The following RABGAP1L variants were observed in gnomAD, a reference collection of about 807,000 sequenced individuals.
RABGAP1L encodes the protein rab GTPase-activating protein 1-like.
RABGAP1L carries 63 observed loss-of-function variants against 137.7 expected under a neutral mutation model. The ratio of observed to expected loss-of-function variants is 0.46; its 90% CI spans 0.37 to 0.56. The LOEUF (loss-of-function observed/expected upper bound fraction) is 0.56, where lower values mean the gene tolerates loss of function less well. Among genes scored for constraint, RABGAP1L ranks in the 20% least tolerant of loss-of-function variants. The pLI is 0.00. For synonymous variants in RABGAP1L, 431 were observed against 433.7 expected, an observed-to-expected ratio of 0.99 and a Z score of 0.08; for missense variants, 1,095 against 1,244.0, an observed-to-expected ratio of 0.88 and a Z score of 1.80.
chr1:174,895,662 A>T (rs1657026518), intron 19 of RABGAP1L, among the ~76,000 whole-genome samples: 1 of 150,500 alleles, frequency 6.6e-6, no homozygotes, highest in Non-Finnish European at 1.5e-5. Context: ...CTCATTGTTC[A>T]GTTCCCACCT....
At chr1:174,461,283 A>C (rs1264910357) in intron 13 of RABGAP1L, among the ~76,000 whole-genome samples, 1 of 152,178 alleles carries the variant, frequency 6.6e-6, no homozygotes, top group African/African-American at 2.4e-5. Context: ...GAACATCAAG[A>C]TTTCAGTAGT....
At chr1:174,680,805 G>A (rs918855540) in intron 14 of RABGAP1L, among the ~76,000 whole-genome samples, 2 of 151,930 alleles carry the variant, frequency 1.3e-5, no homozygotes, top group Non-Finnish European at 2.9e-5. Context: ...GAGGTGGGTC[G>A]ATCGCTTCAG....
intron 13 of RABGAP1L, among the ~76,000 whole-genome samples, chr1:174,437,613 G>A (rs1225867728): frequency 9.2e-5 from 14 of 152,138 alleles, no homozygotes; most frequent in Admixed American, 5.9e-4. Context: ...TGAAAGTGAC[G>A]GGGAGAATGG....
intron 10 of RABGAP1L, among the ~76,000 whole-genome samples, chr1:174,295,529 G>A (rs1571958737): frequency 6.6e-6 from 1 of 151,834 alleles, no homozygotes; most frequent in African/African-American, 2.4e-5. Flanking sequence ...ACTACAGGTG[G>A]CCACCACCAG....
Position 174,994,428 on chromosome 1 carries a change from C to T in RABGAP1L, c.*4427C>T, listed in dbSNP as rs1364851327. On this transcript the variant is annotated 3_prime_UTR_variant, in exon 26 of 26. Transcript: ENST00000681986. ...CATTAATATATCCCATTCTTCCTAC[C>T]TCCATCTCTGGTTTGTCATTAGTGG... 6.6e-6 allele frequency: 1 copy of T among 152,196 alleles called. No individual in the cohort carries two copies. Among genetic ancestry groups the T allele is most frequent in the African/African-American group, 2.4e-5 (1 of 41,432 alleles). 9.4% of individuals were successfully genotyped at this position (152,196 alleles called of 1,614,324 possible).
intron 7 of RABGAP1L, among the ~76,000 whole-genome samples, chr1:174,258,232 TGGAATTTAAG>T (rs1042799745): frequency 2.0e-5 from 3 of 152,238 alleles, no homozygotes; most frequent in Non-Finnish European, 4.4e-5. Context: ...CTGTAAACAG[TGGAATTTAAG>T]GTAGTCCAGC....
chr1:174,449,049 A>G (rs1175136159), intron 13 of RABGAP1L: 1 of 1,613,958 alleles, frequency 6.2e-7, no homozygotes, highest in Non-Finnish European at 8.5e-7. Context: ...AGTTTTTGTA[A>G]CTGTGTAATA....
chr1:174,597,948 T>G (rs1002812425), intron 13 of RABGAP1L, among the ~76,000 whole-genome samples: 7 of 152,186 alleles, frequency 4.6e-5, no homozygotes, highest in Admixed American at 1.3e-4. Flanking sequence ...TTCTATGTGT[T>G]TGTATAGTTT....
chr1:174,946,940 A>ATATG (rs1341510730), intron 19 of RABGAP1L, among the ~76,000 whole-genome samples: 22 of 60,956 alleles, frequency 3.6e-4, no homozygotes, highest in Non-Finnish European at 5.8e-4. Context: ...ATATATATAT[A>ATATG]TGTGTGTGTG....
rs916044160 is a variant in RABGAP1L at position 174,489,656 on chromosome 1, T to C, written c.1710+95511T>C. 5.9e-5 allele frequency among the ~76,000 whole-genome samples: 9 copies of C among 152,172 alleles called. No homozygotes were observed. The East Asian group carries it at 1.7e-3, about 29-fold the overall frequency. ...AGGATCTAGAACTAGAAATAGCATT[T>C]GACCCAGCCATCCCATTACTGGGTA... is the stretch of plus-strand genomic sequence containing the variant. On this transcript the variant is annotated intron_variant, in intron 13 of 25. Transcript: ENST00000681986.
At chr1:174,878,764 T>A (rs549976475) in intron 19 of RABGAP1L, among the ~76,000 whole-genome samples, 1 of 151,948 alleles carries the variant, frequency 6.6e-6, no homozygotes, top group Non-Finnish European at 1.5e-5. Context: ...TTAAAAGACT[T>A]AAGGGTTATA....
At chr1:174,479,012 A>G (rs936658571) in intron 13 of RABGAP1L, among the ~76,000 whole-genome samples, 2 of 152,368 alleles carry the variant, frequency 1.3e-5, no homozygotes, top group African/African-American at 4.8e-5. Flanking sequence ...ATCCTTAAAT[A>G]TGCTTTGCTG....
At chr1:174,291,648 T>C (rs1485776588) in intron 10 of RABGAP1L, among the ~76,000 whole-genome samples, 1 of 152,208 alleles carries the variant, frequency 6.6e-6, no homozygotes, top group East Asian at 1.9e-4. Context: ...ATATTGGATT[T>C]ATTCCACTTA....
At chr1:174,969,840 A>C (rs548639556) in intron 21 of RABGAP1L, among the ~76,000 whole-genome samples, 1 of 152,260 alleles carries the variant, frequency 6.6e-6, no homozygotes, top group Non-Finnish European at 1.5e-5. Flanking sequence ...GCTGAGAGCC[A>C]GACTGCCTGA....
At chr1:174,540,790 T>C (rs1665335473) in intron 13 of RABGAP1L, among the ~76,000 whole-genome samples, 1 of 152,240 alleles carries the variant, frequency 6.6e-6, no homozygotes, top group Non-Finnish European at 1.5e-5. Context: ...CTTTTTTGGT[T>C]GCATATGAAC....
chr1:174,339,069 T>G (rs1005414262), intron 11 of RABGAP1L, among the ~76,000 whole-genome samples: 1 of 152,230 alleles, frequency 6.6e-6, no homozygotes, highest in African/African-American at 2.4e-5. Flanking sequence ...ATCATGTTAC[T>G]TTGGTACATT....
At chr1:174,240,049 A>G (rs985392348) in intron 4 of RABGAP1L, among the ~76,000 whole-genome samples, 8 of 152,208 alleles carry the variant, frequency 5.3e-5, no homozygotes, top group Non-Finnish European at 1.0e-4. Flanking sequence ...ATTGTTTTCA[A>G]AGTGTCTTCT....
chr1:174,805,604 C>T (rs544851760), intron 18 of RABGAP1L, among the ~76,000 whole-genome samples: 209 of 152,266 alleles, frequency 1.4e-3, no homozygotes, highest in African/African-American at 4.7e-3. Context: ...TGGGTTCTTG[C>T]AATTCTCCTG....
At chr1:174,503,054 A>T (rs1391283148) in intron 13 of RABGAP1L, among the ~76,000 whole-genome samples, 2 of 152,156 alleles carry the variant, frequency 1.3e-5, no homozygotes, top group African/African-American at 4.8e-5. Context: ...GACCATGGGC[A>T]TATGTGTTGG....
Sources: allele counts gnomAD v4.1 joint callset (sites outside exome capture counted in the v4.1 genomes callset), GRCh38; gene constraint gnomAD v4.1.1; transcripts MANE v1.5; gene names NCBI Gene and HGNC (gene_info 2026-07-23, HGNC 2026-07-21).